The following RAPGEF4 variants were observed in gnomAD, a reference collection of about 807,000 sequenced individuals.
RAPGEF4 encodes Rap guanine nucleotide exchange factor 4.
In RAPGEF4, 66 loss-of-function variants were observed where a neutral mutation model predicts 147.9. That is an observed-to-expected ratio of 0.45 (90% CI 0.37 to 0.55). The LOEUF (loss-of-function observed/expected upper bound fraction) is 0.55. Among genes scored for constraint, RAPGEF4 ranks in the 20% least tolerant of loss-of-function variants. The pLI, the probability that RAPGEF4 is intolerant of heterozygous loss-of-function variation, is 0.00. For synonymous variants in RAPGEF4, 419 were observed against 442.7 expected, an observed-to-expected ratio of 0.95 and a Z score of 0.67; for missense variants, 1,071 against 1,257.3, an observed-to-expected ratio of 0.85 and a Z score of 2.24.
intron 4 of RAPGEF4, among the ~76,000 whole-genome samples, chr2:172,875,568 T>C (rs186049748): frequency 2.5e-3 from 384 of 152,190 alleles, no homozygotes; most frequent in Non-Finnish European, 4.2e-3. Flanking sequence ...AGATGTGTGG[T>C]ATTATTTCGG....
intron 17 of RAPGEF4, among the ~76,000 whole-genome samples, chr2:173,003,132 C>CT (rs369905026): frequency 0.11 from 16,232 of 148,014 alleles, 1,265 homozygotes; most frequent in Non-Finnish European, 0.16. Context: ...CTGCGCTTGT[C>CT]TTTTTTTTTT....
intron 6 of RAPGEF4, among the ~76,000 whole-genome samples, chr2:172,942,833 G>A (rs1687304613): frequency 6.6e-6 from 1 of 152,086 alleles, no homozygotes; most frequent in Admixed American, 6.6e-5. Flanking sequence ...AATAAAACAT[G>A]TTACTGACAT....
chr2:173,034,334 G>A (rs1296718999), intron 27 of RAPGEF4, among the ~76,000 whole-genome samples: 3 of 152,118 alleles, frequency 2.0e-5, no homozygotes, highest in African/African-American at 4.8e-5. Context: ...TGGGCTCGCC[G>A]GGAGTGATGG....
chr2:172,987,966 A>G (rs1052074442), intron 12 of RAPGEF4, among the ~76,000 whole-genome samples: 1 of 152,250 alleles, frequency 6.6e-6, no homozygotes, highest in African/African-American at 2.4e-5. Flanking sequence ...GATATCTACT[A>G]AAAACCTATG....
chr2:172,980,876 G>A (rs1271641529), intron 10 of RAPGEF4, among the ~76,000 whole-genome samples: 1 of 152,134 alleles, frequency 6.6e-6, no homozygotes, highest in East Asian at 1.9e-4. Flanking sequence ...GTCTCAAACT[G>A]ACCTGAAGTG....
intron 1 of RAPGEF4, among the ~76,000 whole-genome samples, chr2:172,737,096 T>C (rs899841427): frequency 6.6e-6 from 1 of 152,206 alleles, no homozygotes; most frequent in Non-Finnish European, 1.5e-5. Flanking sequence ...TGTTGAAAAA[T>C]ATTAAGTAAT....
intron 1 of RAPGEF4, among the ~76,000 whole-genome samples, chr2:172,745,369 A>G (rs1574668222): frequency 6.6e-6 from 1 of 151,884 alleles, no homozygotes; most frequent in Non-Finnish European, 1.5e-5. Flanking sequence ...AGAGTTGTTC[A>G]TAGTATTCCT....
chr2:172,986,624 AC>A (rs1692275039), intron 12 of RAPGEF4, among the ~76,000 whole-genome samples: 1 of 152,136 alleles, frequency 6.6e-6, no homozygotes, highest in South Asian at 2.1e-4. Flanking sequence ...AATATTTTAA[AC>A]AAAAAATAGA....
chr2:172,826,701 T>A (rs1689706322), intron 4 of RAPGEF4, among the ~76,000 whole-genome samples: 1 of 152,200 alleles, frequency 6.6e-6, no homozygotes, highest in South Asian at 2.1e-4. Context: ...GCTCGGTGAC[T>A]CATGCCTGTA....
At chr2:172,934,765 G>A (rs577576502) in intron 6 of RAPGEF4, among the ~76,000 whole-genome samples, 116 of 151,310 alleles carry the variant, frequency 7.7e-4, no homozygotes, top group Admixed American at 5.3e-3. Context: ...AAAAGTTTCA[G>A]TATTCACCCC....
chr2:172,864,223 G>GA (rs1694358791), intron 4 of RAPGEF4, among the ~76,000 whole-genome samples: 1 of 152,200 alleles, frequency 6.6e-6, no homozygotes, highest in South Asian at 2.1e-4. Flanking sequence ...TAGTGAGAGA[G>GA]ATACCTGAGG....
chr2:172,765,786 G>C (rs1018138182), intron 1 of RAPGEF4, among the ~76,000 whole-genome samples: 1 of 152,212 alleles, frequency 6.6e-6, no homozygotes, highest in African/African-American at 2.4e-5. Flanking sequence ...CCCTCTCATC[G>C]GTCTGGCTGC....
At chr2:172,773,602 A>G (rs1226322938) in intron 1 of RAPGEF4, among the ~76,000 whole-genome samples, 4 of 141,172 alleles carry the variant, frequency 2.8e-5, no homozygotes, top group Non-Finnish European at 6.4e-5. Context: ...CTCCTACTCC[A>G]GACTTCCCTC....
In RAPGEF4 at chr2:172,980,389, A is replaced by T. The variant is rs1691549973; in HGVS notation, c.1005-3107A>T. ...AGATTTAGGTCTTGTCATTATCTAG[A>T]TGGAAGTTGAGGGTTTTTCCCAGGG... is the stretch of plus-strand genomic sequence containing the variant. On this transcript the variant is annotated intron_variant, in intron 10 of 30. Transcript: ENST00000397081. Among the ~76,000 whole-genome samples, 4 of 152,166 alleles carry T rather than the reference A, an allele frequency of 2.6e-5. No individual in the cohort carries two copies. The South Asian group carries it at 8.3e-4, about 32-fold the overall frequency.
chr2:172,930,545 T>A (rs1230830313), intron 6 of RAPGEF4, among the ~76,000 whole-genome samples: 1 of 152,204 alleles, frequency 6.6e-6, no homozygotes, highest in African/African-American at 2.4e-5. Flanking sequence ...TTGAATGAAT[T>A]ACTTTGCAAA....
Position 172,956,471 on chromosome 2 carries a change from TC to T in RAPGEF4, c.538-4288del, listed in dbSNP as rs200192582. ...GTTTTATTGTTACAAAGTTTCTTTT[TC>T]TTTTTTTTTTTTTTTGAGATGGAAT... On this transcript the variant is annotated intron_variant, in intron 6 of 30. Coordinates refer to ENST00000397081, the MANE Select transcript of RAPGEF4 (RefSeq NM_007023.4). Among the ~76,000 whole-genome samples, 785 of 108,762 alleles carry T rather than the reference TC, an allele frequency of 7.2e-3. 12 individuals are homozygous for T. Among genetic ancestry groups the T allele is most frequent in the African/African-American group, 0.023 (749 of 32,944 alleles). The allele number at this position is 108,762 out of a possible 152,430, so 71.4% of individuals were successfully genotyped here.
intron 4 of RAPGEF4, among the ~76,000 whole-genome samples, chr2:172,815,626 A>G (rs905817733): frequency 9.2e-5 from 14 of 152,226 alleles, no homozygotes; most frequent in Non-Finnish European, 1.3e-4. Context: ...TTCATTTTAA[A>G]AGGTAAACTG....
chr2:173,016,316 T>C (rs1012886233), intron 18 of RAPGEF4, 33 bp from the exon 19 acceptor site: 3 of 1,486,298 alleles, frequency 2.0e-6, no homozygotes, highest in Non-Finnish European at 2.8e-6. Flanking sequence ...TTTGCAGTTC[T>C]TGTTAAAAGC....
intron 6 of RAPGEF4, among the ~76,000 whole-genome samples, chr2:172,950,755 T>A (rs1688131558): frequency 6.6e-6 from 1 of 152,250 alleles, no homozygotes; most frequent in Non-Finnish European, 1.5e-5. Flanking sequence ...TAAGGACAAT[T>A]GTGATTGCAC....
Sources: gnomAD v4.1 joint callset for allele counts (sites outside exome capture counted in the v4.1 genomes callset) on GRCh38, gnomAD v4.1.1 for gene constraint, MANE v1.5 for transcripts, NCBI Gene and HGNC (gene_info 2026-07-23, HGNC 2026-07-21) for gene names.